The following SLC24A3 variants were observed in gnomAD, a reference collection of about 807,000 sequenced individuals.
The protein encoded by SLC24A3 is sodium/potassium/calcium exchanger 3.
SLC24A3 carries 28 observed loss-of-function variants against 75.8 expected under a neutral mutation model. The observed-to-expected ratio is 0.37, with a 90% CI of 0.27 to 0.51. SLC24A3 has a LOEUF of 0.51. Among genes scored for constraint, SLC24A3 ranks in the 20% least tolerant of loss-of-function variants. The pLI is 0.94. For synonymous variants in SLC24A3, 372 were observed against 334.1 expected (o/e 1.11, Z -1.24); for missense variants, 663 against 847.8 (o/e 0.78, Z 2.71).
chr20:19,466,951 A>C (rs921361286), intron 2 of SLC24A3, among the ~76,000 whole-genome samples: 1 of 151,946 alleles, frequency 6.6e-6, no homozygotes, highest in African/African-American at 2.4e-5. Flanking sequence ...AGGGTCCCTG[A>C]CCTCTGAGCT....
chr20:19,624,741 T>C (rs929085512), intron 6 of SLC24A3, among the ~76,000 whole-genome samples: 2 of 152,214 alleles, frequency 1.3e-5, no homozygotes, highest in Admixed American at 6.5e-5. Context: ...GTTCACACTG[T>C]GCATGACCAC....
Position 19,399,925 on chromosome 20 carries a change from G to A in SLC24A3, c.272-115563G>A, listed in dbSNP as rs180720089. Among the ~76,000 whole-genome samples the A allele has an allele frequency of 2.5e-3, 378 of 152,286 alleles. 1 individual carries two copies. Among genetic ancestry groups the A allele is most frequent in the African/African-American group, 8.8e-3 (364 of 41,574 alleles). On this transcript the variant is annotated intron_variant, in intron 2 of 16. Transcript: ENST00000328041. ...CGATGTCACTAATCTTTTATTAGAC[G>A]AAACATCTAATCTGCTGTTAATCTT... is the stretch of plus-strand genomic sequence containing the variant.
chr20:19,277,794 T>A (rs1983530237), intron 1 of SLC24A3, among the ~76,000 whole-genome samples: 1 of 152,222 alleles, frequency 6.6e-6, no homozygotes. Context: ...GGTATCAGCT[T>A]TTCTCTCAGA....
intron 12 of SLC24A3, among the ~76,000 whole-genome samples, chr20:19,689,886 C>A (rs946952642): frequency 6.6e-6 from 1 of 151,938 alleles, no homozygotes; most frequent in African/African-American, 2.4e-5. Context: ...CAAAAGTTAG[C>A]CAGGCATGGT....
chr20:19,235,110 A>G (rs1330622248), intron 1 of SLC24A3, among the ~76,000 whole-genome samples: 1 of 152,226 alleles, frequency 6.6e-6, no homozygotes, highest in Admixed American at 6.5e-5. Context: ...AAAGCTCAAT[A>G]GTGCTCTATC....
intron 2 of SLC24A3, among the ~76,000 whole-genome samples, chr20:19,383,188 G>C (rs538623216): frequency 2.7e-4 from 41 of 152,268 alleles, no homozygotes; most frequent in African/African-American, 9.9e-4. Context: ...TTTGGATGCT[G>C]CTTGGCTCAT....
intron 1 of SLC24A3, among the ~76,000 whole-genome samples, chr20:19,217,760 C>T (rs1299237662): frequency 6.6e-6 from 1 of 152,132 alleles, no homozygotes; most frequent in African/African-American, 2.4e-5. Flanking sequence ...CTCTGCTCCT[C>T]AAAAGGTCTA....
At chr20:19,586,890 T>C (rs1398254874) in intron 6 of SLC24A3, among the ~76,000 whole-genome samples, 1 of 152,204 alleles carries the variant, frequency 6.6e-6, no homozygotes, top group Non-Finnish European at 1.5e-5. Context: ...TCTCAGTCAA[T>C]GAGCTCATGT....
In SLC24A3 at chr20:19,345,330, C is replaced by T. The variant is rs1054806417; in HGVS notation, c.271+64243C>T. On this transcript the variant is annotated intron_variant, in intron 2 of 16. Transcript: ENST00000328041. ...AGAGTCAGAGTCAAGTTCTTCCCAA[C>T]GTGTTCTATACTTTCAATGTAATTG... Among the ~76,000 whole-genome samples the T allele has an allele frequency of 5.9e-5, 9 of 152,276 alleles. 1 individual carries two copies. The highest frequency in any genetic ancestry group is 3.9e-4 in the East Asian group (2 of 5,182).
chr20:19,673,574 C>T, intron 8 of SLC24A3, 27 bp from the exon 9 acceptor site: 2 of 1,607,870 alleles, frequency 1.2e-6, no homozygotes, highest in South Asian at 2.2e-5. Flanking sequence ...CCATGACTGT[C>T]TTTAACTGTT....
chr20:19,676,793 A>G (rs2032529272), intron 9 of SLC24A3, among the ~76,000 whole-genome samples: 1 of 152,166 alleles, frequency 6.6e-6, no homozygotes, highest in Non-Finnish European at 1.5e-5. Flanking sequence ...CTTTCTGTAC[A>G]TCCCAGGTCA....
intron 2 of SLC24A3, among the ~76,000 whole-genome samples, chr20:19,468,467 T>A (rs932520570): frequency 1.3e-5 from 2 of 151,948 alleles, no homozygotes; most frequent in African/African-American, 4.8e-5. Flanking sequence ...AGTATGGGTA[T>A]AGAGACCAGG....
At chr20:19,714,789 G>A (rs150901720) in intron 15 of SLC24A3, among the ~76,000 whole-genome samples, 50 of 152,344 alleles carry the variant, frequency 3.3e-4, no homozygotes, top group African/African-American at 1.1e-3. Context: ...GATTTCATGT[G>A]AACATAGGAA....
intron 6 of SLC24A3, among the ~76,000 whole-genome samples, chr20:19,598,827 ATG>A (rs2031484730): frequency 6.6e-6 from 1 of 151,966 alleles, no homozygotes; most frequent in Admixed American, 6.6e-5. Flanking sequence ...TTCTAAACAC[ATG>A]TGTCCCAGCC....
At chr20:19,346,316 GGTATATATATA>G in intron 2 of SLC24A3, among the ~76,000 whole-genome samples, 1 of 88,056 alleles carries the variant, frequency 1.1e-5, no homozygotes, top group African/African-American at 6.1e-5. Flanking sequence ...ATATATATAT[GGTATATATATA>G]TGGTGTATAT....
In SLC24A3 at chr20:19,425,608, G is replaced by A. The variant is rs373345537; in HGVS notation, c.272-89880G>A. On this transcript the variant is annotated intron_variant, in intron 2 of 16. Coordinates refer to ENST00000328041, the MANE Select transcript of SLC24A3 (RefSeq NM_020689.4). ...CCAGTATTGCTGTCCTAAGTTGTCC[G>A]CTTGATGTCTCTACAGTTTTTCCAT... is the stretch of plus-strand genomic sequence containing the variant. Among the ~76,000 whole-genome samples, 27 of 152,124 alleles carry A rather than the reference G, an allele frequency of 1.8e-4. No homozygotes were observed. The South Asian group carries it at 5.2e-3, about 29-fold the overall frequency.
intron 6 of SLC24A3, among the ~76,000 whole-genome samples, chr20:19,644,184 G>C (rs1370628399): frequency 6.6e-6 from 1 of 152,172 alleles, no homozygotes; most frequent in African/African-American, 2.4e-5. Flanking sequence ...GGTCCCAGAT[G>C]ACTCTCTGTG....
intron 2 of SLC24A3, among the ~76,000 whole-genome samples, chr20:19,445,244 T>G (rs759636158): frequency 1.6e-4 from 24 of 152,244 alleles, no homozygotes; most frequent in African/African-American, 5.3e-4. Context: ...GTTAGTGTGT[T>G]CTTTTCAACC....
At chr20:19,543,247 A>G (rs1416864403) in intron 3 of SLC24A3, among the ~76,000 whole-genome samples, 1 of 152,196 alleles carries the variant, frequency 6.6e-6, no homozygotes, top group Admixed American at 6.5e-5. Flanking sequence ...AAGTAGCCAC[A>G]TGCATGTCTA....
Sources: allele counts gnomAD v4.1 joint callset (sites outside exome capture counted in the v4.1 genomes callset), GRCh38; gene constraint gnomAD v4.1.1; transcripts MANE v1.5; gene names NCBI Gene and HGNC (gene_info 2026-07-23, HGNC 2026-07-21).